Variants in NEK1 observed in about 807,000 individuals in gnomAD.
The protein encoded by NEK1 is NIMA related kinase 1.
NEK1 carries 137 observed loss-of-function variants against 182.1 expected under a neutral mutation model. The observed-to-expected ratio is 0.75, with a 90% CI of 0.65 to 0.87. NEK1 has a LOEUF of 0.87. Ranked by LOEUF, NEK1 falls within the 40% of genes least tolerant of loss-of-function variation. The pLI is 0.00. For missense variants in NEK1, 1,391 were observed against 1,494.4 expected (o/e 0.93, Z 1.14); for synonymous variants, 513 against 492.2 (o/e 1.04, Z -0.56).
chr4:169,394,418 A>G lies in NEK1; in HGVS notation c.*92T>C, dbSNP rs1214347714. 1 of 764,510 alleles carries G rather than the reference A, an allele frequency of 1.3e-6. No homozygotes were observed. 47.4% of individuals were successfully genotyped at this position (764,510 alleles called of 1,614,324 possible). ...ATCTTAAATCTGATTTTTTAAATAA[A>G]TAATTGCTGTATTTCCCACTGAAGC... On this transcript the variant is annotated 3_prime_UTR_variant, in exon 36 of 36. Coordinates refer to ENST00000507142, the MANE Select transcript of NEK1 (RefSeq NM_001199397.3).
At chr4:169,471,575 G>A (rs538740384) in intron 26 of NEK1, among the ~76,000 whole-genome samples, 1 of 152,272 alleles carries the variant, frequency 6.6e-6, no homozygotes, top group East Asian at 1.9e-4. Context: ...CTGCTGGGAG[G>A]TGTCTCCCAG....
chr4:169,555,666 G>A (rs763089136), intron 18 of NEK1, 54 bp downstream of exon 18: 1 of 1,609,774 alleles, frequency 6.2e-7, no homozygotes. Flanking sequence ...AGCTATGTAT[G>A]ACAAACGACA....
Position 169,438,147 on chromosome 4 carries a change from T to G in NEK1, c.2700A>C (p.Thr900=), listed in dbSNP as rs1211412338. The change falls in exon 28 of 36, where the codon ACA becomes ACC. Residue 900 remains threonine (T), a synonymous_variant. Coordinates refer to ENST00000507142, the MANE Select transcript of NEK1 (RefSeq NM_001199397.3). ...ATGCCTCACTGAACTCGGGACTTTT[T>G]GTCTCAACAGGAGAATCAACAATAG... ...PSAIVDSPVE[T]KSPEFSEASP... is the part of the protein sequence containing the mutation. 1 of 1,611,248 alleles carries G rather than the reference T, an allele frequency of 6.2e-7. No individual in the cohort carries two copies. The highest frequency in any genetic ancestry group is 2.2e-5 in the East Asian group (1 of 44,842).
intron 31 of NEK1, among the ~76,000 whole-genome samples, chr4:169,414,666 C>T (rs1269460758): frequency 6.6e-6 from 1 of 152,142 alleles, no homozygotes; most frequent in Non-Finnish European, 1.5e-5. Context: ...GAATTACTTA[C>T]GGTGTGTGCC....
In NEK1 at chr4:169,588,722, C is replaced by A. The variant is rs1201113130; in HGVS notation, c.478G>T (p.Ala160Ser). The A allele has an allele frequency of 5.8e-6, 9 of 1,546,296 alleles. No homozygotes were observed. Among genetic ancestry groups the A allele is most frequent in the Non-Finnish European group, 7.9e-6 (9 of 1,142,146 alleles). ...ARVLNSTVELARTCIGTPYYL... is the reference protein window; with the variant it reads ...ARVLNSTVELSRTCIGTPYYL... ...TATGGGGTCCCTATGCAAGTTCGAG[C>A]CAGCTCTACAGTACTAGAAGAAAAA... Residue 160 changes from alanine (A) to serine (S), a missense_variant, in exon 8 of 36, where the codon GCT (alanine) becomes TCT (serine). By Grantham distance (99) the Ala-to-Ser change is moderately conservative. Transcript: ENST00000507142.
At chr4:169,548,417 G>T (rs1012485844) in intron 18 of NEK1, among the ~76,000 whole-genome samples, 2 of 151,806 alleles carry the variant, frequency 1.3e-5, no homozygotes, top group African/African-American at 4.9e-5. Context: ...TACTGGGGAG[G>T]TGTCTCCCAG....
intron 32 of NEK1, among the ~76,000 whole-genome samples, chr4:169,405,572 AT>A (rs1303201561): frequency 6.6e-6 from 1 of 152,148 alleles, no homozygotes; most frequent in African/African-American, 2.4e-5. Context: ...AAGTGGAAAG[AT>A]TGCTTGAGTC....
intron 19 of NEK1, among the ~76,000 whole-genome samples, chr4:169,529,823 T>C (rs1696913012): frequency 6.6e-6 from 1 of 152,162 alleles, no homozygotes; most frequent in Non-Finnish European, 1.5e-5. Context: ...CATTAACATT[T>C]AGAGAAATCC....
At chr4:169,429,895 G>C (rs889795316) in intron 29 of NEK1, among the ~76,000 whole-genome samples, 2 of 151,554 alleles carry the variant, frequency 1.3e-5, no homozygotes, top group Non-Finnish European at 2.9e-5. Flanking sequence ...TTTTATGTTA[G>C]GCTGCCTCCT....
chr4:169,426,296 C>A, intron 29 of NEK1, 62 bp from the exon 30 acceptor site: 1 of 1,333,344 alleles, frequency 7.5e-7, no homozygotes, highest in Non-Finnish European at 1.1e-6. Context: ...AATAAAAGTG[C>A]TCTAAAATAC....
At chr4:169,475,524 T>A (rs61267727) in intron 26 of NEK1, among the ~76,000 whole-genome samples, 1,995 of 152,066 alleles carry the variant, frequency 0.013, 38 homozygotes, top group African/African-American at 0.045. Flanking sequence ...AATAAAAAAA[T>A]ACCTAGCACC....
rs1730251901 is a variant in NEK1 at position 169,393,583 on chromosome 4, T to A, written c.*927A>T. On this transcript the variant is annotated 3_prime_UTR_variant, in exon 36 of 36. Coordinates refer to ENST00000507142, the MANE Select transcript of NEK1 (RefSeq NM_001199397.3). ...TCAACATCTTAATGACCTAACTAAATCCTCTCATAACAGAAAGAAGTTCAA... is the reference window on the plus strand; with the variant it reads ...TCAACATCTTAATGACCTAACTAAAACCTCTCATAACAGAAAGAAGTTCAA... 1 of 152,140 alleles carries A rather than the reference T, an allele frequency of 6.6e-6. No individual in the cohort carries two copies. Among genetic ancestry groups the A allele is most frequent in the East Asian group, 1.9e-4 (1 of 5,206 alleles). The allele number at this position is 152,140 out of a possible 1,614,324, so 9.4% of individuals were successfully genotyped here. A position where few individuals can be genotyped will look rare whatever the true frequency, so the allele number is the denominator to read the frequency against.
At chr4:169,610,348 C>G (rs542093825) in intron 2 of NEK1, among the ~76,000 whole-genome samples, 2 of 151,622 alleles carry the variant, frequency 1.3e-5, no homozygotes, top group African/African-American at 4.9e-5. Flanking sequence ...AAGCCTCACT[C>G]AGTCGCCCAG....
At chr4:169,493,841 G>T (rs371940103) in intron 23 of NEK1, among the ~76,000 whole-genome samples, 141 of 152,300 alleles carry the variant, frequency 9.3e-4, no homozygotes, top group African/African-American at 3.1e-3. Context: ...GAGAAAAACA[G>T]AAAGTAAGGA....
intron 12 of NEK1, among the ~76,000 whole-genome samples, chr4:169,565,539 G>A (rs2149967668): frequency 6.6e-6 from 1 of 152,170 alleles, no homozygotes; most frequent in East Asian, 1.9e-4. Flanking sequence ...TATGTATACA[G>A]AATTTAAACA....
At chr4:169,416,641 C>T (rs997312998) in intron 31 of NEK1, among the ~76,000 whole-genome samples, 2 of 152,172 alleles carry the variant, frequency 1.3e-5, no homozygotes, top group Admixed American at 6.5e-5. Context: ...TGGTGGCTCA[C>T]GCCTGTAATT....
intron 19 of NEK1, among the ~76,000 whole-genome samples, chr4:169,535,044 G>T (rs1358555243): frequency 1.3e-5 from 2 of 152,142 alleles, no homozygotes; most frequent in Non-Finnish European, 2.9e-5. Context: ...CTCTGGCTGG[G>T]CACAGTGGTT....
intron 7 of NEK1, 148 bp downstream of exon 7, chr4:169,589,299 T>C (rs751666466): frequency 4.7e-6 from 3 of 638,882 alleles, no homozygotes; most frequent in East Asian, 2.9e-5. Context: ...AATCACCTAA[T>C]GATGCCTTTC....
At chr4:169,439,337 T>C (rs1738998633) in intron 27 of NEK1, among the ~76,000 whole-genome samples, 1 of 152,224 alleles carries the variant, frequency 6.6e-6, no homozygotes, top group Non-Finnish European at 1.5e-5. Flanking sequence ...GAACTGTCCT[T>C]AGCTCAGTTA....
Sources: gnomAD v4.1 joint callset for allele counts (sites outside exome capture counted in the v4.1 genomes callset) on GRCh38, gnomAD v4.1.1 for gene constraint, MANE v1.5 for transcripts, NCBI Gene and HGNC (gene_info 2026-07-23, HGNC 2026-07-21) for gene names.